Variants in KAZN observed in about 807,000 individuals in gnomAD.
KAZN encodes kazrin, periplakin interacting protein.
In KAZN, 40 loss-of-function variants were observed where a neutral mutation model predicts 87.4. The ratio of observed to expected loss-of-function variants is 0.46; its 90% CI spans 0.36 to 0.60. KAZN has a LOEUF of 0.60. Among genes scored for constraint, KAZN ranks in the 20% least tolerant of loss-of-function variants. The pLI is 0.00. For synonymous variants in KAZN, 466 were observed against 458.3 expected (o/e 1.02, Z -0.22); for missense variants, 898 against 1,073.9 (o/e 0.84, Z 2.29).
At chr1:14,563,475 A>G (rs1005354362) in intron 2 of KAZN, among the ~76,000 whole-genome samples, 1 of 152,120 alleles carries the variant, frequency 6.6e-6, no homozygotes, top group Non-Finnish European at 1.5e-5. Flanking sequence ...CTGTCTTCCA[A>G]ACTCCTGGCT....
intron 1 of KAZN, among the ~76,000 whole-genome samples, chr1:14,752,645 A>G (rs1449074328): frequency 2.0e-5 from 3 of 152,126 alleles, no homozygotes; most frequent in African/African-American, 4.8e-5. Flanking sequence ...TACCAATCCC[A>G]TTCATGAGGG....
intron 1 of KAZN, among the ~76,000 whole-genome samples, chr1:14,799,319 A>C (rs1411363510): frequency 6.6e-6 from 1 of 152,226 alleles, no homozygotes; most frequent in Non-Finnish European, 1.5e-5. Context: ...AGGGCTGCAG[A>C]AGCTGAAATG....
At chr1:14,933,849 CTTTTTTTTTTTT>C (rs59580896) in intron 1 of KAZN, among the ~76,000 whole-genome samples, 234 of 141,274 alleles carry the variant, frequency 1.7e-3, no homozygotes, top group Non-Finnish European at 2.9e-3. Context: ...GCTTTTTTTT[CTTTTTTTTTTTT>C]TTATGAGACG....
At chr1:14,271,037 T>G (rs1269814461) in intron 2 of KAZN, among the ~76,000 whole-genome samples, 2 of 152,148 alleles carry the variant, frequency 1.3e-5, no homozygotes, top group African/African-American at 4.8e-5. Flanking sequence ...CAACAGAAAT[T>G]TATTTTCTCA....
At chr1:14,485,892 C>CAAAA (rs1038275850) in intron 2 of KAZN, among the ~76,000 whole-genome samples, 2 of 85,540 alleles carry the variant, frequency 2.3e-5, no homozygotes, top group East Asian at 6.4e-4. Context: ...GACTCCATCT[C>CAAAA]AAAAAAAAAA....
At chr1:14,342,356 A>G (rs1657796177) in intron 2 of KAZN, among the ~76,000 whole-genome samples, 1 of 152,170 alleles carries the variant, frequency 6.6e-6, no homozygotes, top group Non-Finnish European at 1.5e-5. Context: ...ATACCTAGTA[A>G]TGGGATTGCT....
At chr1:14,758,017 A>C (rs1475065230) in intron 1 of KAZN, among the ~76,000 whole-genome samples, 1 of 152,198 alleles carries the variant, frequency 6.6e-6, no homozygotes, top group Non-Finnish European at 1.5e-5. Context: ...GGCATTTTGC[A>C]TCCATGCTGT....
intron 2 of KAZN, among the ~76,000 whole-genome samples, chr1:14,325,475 A>C (rs1466984917): frequency 2.6e-5 from 4 of 152,234 alleles, no homozygotes; most frequent in Non-Finnish European, 5.9e-5. Flanking sequence ...CACTGGACAC[A>C]GCTGATCTAT....
At chr1:14,468,798 G>A (rs563177988) in intron 2 of KAZN, among the ~76,000 whole-genome samples, 36 of 152,262 alleles carry the variant, frequency 2.4e-4, no homozygotes, top group African/African-American at 8.4e-4. Context: ...TATTTTGCCC[G>A]CCCAGGCATC....
chr1:14,990,882 G>C (rs551471637), intron 2 of KAZN, among the ~76,000 whole-genome samples: 25 of 150,872 alleles, frequency 1.7e-4, no homozygotes, highest in African/African-American at 6.1e-4. Context: ...GGTGAGGCCT[G>C]ATCTAGTTTG....
chr1:14,987,971 G>T (rs553524217), intron 2 of KAZN, among the ~76,000 whole-genome samples: 4 of 152,318 alleles, frequency 2.6e-5, no homozygotes, highest in Non-Finnish European at 5.9e-5. Flanking sequence ...CAGGAGTTGG[G>T]CTTGAGCACC....
intron 2 of KAZN, among the ~76,000 whole-genome samples, chr1:14,363,787 C>T (rs1659719188): frequency 6.6e-6 from 1 of 152,142 alleles, no homozygotes. Flanking sequence ...TGGTCCTTTA[C>T]AGAAGAAGTT....
chr1:14,014,603 A>G (rs1010064731), intron 1 of KAZN, among the ~76,000 whole-genome samples: 3 of 152,196 alleles, frequency 2.0e-5, no homozygotes, highest in Non-Finnish European at 2.9e-5. Flanking sequence ...AAGGGTTAGG[A>G]AAAAAATCAA....
At chr1:14,441,540 A>G (rs1208741074) in intron 2 of KAZN, among the ~76,000 whole-genome samples, 1 of 152,184 alleles carries the variant, frequency 6.6e-6, no homozygotes, top group Non-Finnish European at 1.5e-5. Context: ...TTTGTGTCCT[A>G]AGGAACAGAG....
intron 2 of KAZN, among the ~76,000 whole-genome samples, chr1:14,417,370 C>T (rs1664880843): frequency 6.6e-6 from 1 of 152,122 alleles, no homozygotes; most frequent in South Asian, 2.1e-4. Flanking sequence ...TGAGGTTCTT[C>T]GCCATTTCTC....
At chr1:14,167,976 C>G (rs1645868787) in intron 1 of KAZN, among the ~76,000 whole-genome samples, 1 of 152,164 alleles carries the variant, frequency 6.6e-6, no homozygotes, top group Non-Finnish European at 1.5e-5. Context: ...TTCCAGGAGT[C>G]AAGTTAGTCT....
In KAZN at chr1:15,066,020, A is replaced by G. The variant is rs1639200161; in HGVS notation, c.1222+267A>G. The G allele has an allele frequency of 7.9e-7, 1 of 1,273,626 alleles. No homozygotes were observed. The highest frequency in any genetic ancestry group is 2.8e-5 in the South Asian group (1 of 36,060). The allele number at this position is 1,273,626 out of a possible 1,614,324, so 78.9% of individuals were successfully genotyped here. On this transcript the variant is annotated intron_variant, in intron 8 of 14. Coordinates refer to ENST00000376030, the MANE Select transcript of KAZN (RefSeq NM_201628.3). The surrounding 1 kb of genome is among the most constrained non-coding windows in gnomAD (Gnocchi z 4.3). ...TCTGTAATTGATGTACATACCGCAA[A>G]CCGTGTGTGAACCTGTCAACTCTCT...
At chr1:14,076,766 A>C (rs1054641811) in intron 1 of KAZN, among the ~76,000 whole-genome samples, 4 of 152,070 alleles carry the variant, frequency 2.6e-5, no homozygotes, top group African/African-American at 9.7e-5. Context: ...TAAAATATTT[A>C]TTATCTGACC....
At position 14,845,219 on chromosome 1, in the gene KAZN, GTGGA is replaced by G. The variant is rs1175372852; in HGVS notation, c.227-115445_227-115442del. ...GATGGGTGAGTGAGTGGATGGGTGGGTGGATGGATGGATGGATGGATGGGTGAGT... is the reference window on the plus strand; with the variant it reads ...GATGGGTGAGTGAGTGGATGGGTGGGTGGATGGATGGATGGATGGGTGAGT... On this transcript the variant is annotated intron_variant, in intron 1 of 14. Coordinates refer to ENST00000376030, the MANE Select transcript of KAZN (RefSeq NM_201628.3). Among the ~76,000 whole-genome samples, 500 of 145,628 alleles carry G rather than the reference GTGGA, an allele frequency of 3.4e-3. 4 individuals are homozygous for G. The highest frequency in any genetic ancestry group is 0.012 in the African/African-American group (455 of 39,464).
Sources: gnomAD v4.1 joint callset for allele counts (sites outside exome capture counted in the v4.1 genomes callset) on GRCh38, gnomAD v4.1.1 for gene constraint, Gnocchi (gnomAD v3.1) non-coding constraint, MANE v1.5 for transcripts, NCBI Gene and HGNC (gene_info 2026-07-23, HGNC 2026-07-21) for gene names.